ZSCAN20: variants seen among roughly 807,000 people sequenced by gnomAD.
The protein encoded by ZSCAN20 is zinc finger and SCAN domain containing 20, also known as zinc finger and SCAN domain-containing protein 20.
In ZSCAN20, 39 loss-of-function variants were observed where a neutral mutation model predicts 97.1. That is an observed-to-expected ratio of 0.40 (90% confidence interval 0.31 to 0.52). The LOEUF (loss-of-function observed/expected upper bound fraction) is 0.52. Among genes scored for constraint, ZSCAN20 ranks in the 20% least tolerant of loss-of-function variants. The pLI, the probability that ZSCAN20 is intolerant of heterozygous loss-of-function variation, is 0.49. For missense variants in ZSCAN20, 1,115 were observed against 1,290.4 expected (o/e 0.86, Z 2.08); for synonymous variants, 456 against 467.3 (o/e 0.98, Z 0.31).
At position 33,479,469 on chromosome 1, in the gene ZSCAN20, G is replaced by C. The variant is rs1002845805; in HGVS notation, c.181G>C (p.Asp61His). 1 of 1,614,134 alleles carries C rather than the reference G, an allele frequency of 6.2e-7. No homozygotes were observed. The highest frequency in any genetic ancestry group is 2.2e-5 in the East Asian group (1 of 44,884). Residue 61 changes from aspartate to histidine, a missense_variant, in exon 2 of 8, where the codon GAT becomes CAT. By Grantham distance (81) the Asp-to-His change is moderately conservative. Around this residue, in one of 3 missense-constraint regions of ZSCAN20, gnomAD observed 508 missense variants for 611.2 expected, o/e 0.83. Transcript: ENST00000684572. Reference protein sequence around the residue: ...RQRFRQFQYRDAAGPHEAFSQ... With the variant: ...RQRFRQFQYRHAAGPHEAFSQ... Reference sequence around the variant, plus strand: ...GCGCTTCAGGCAATTCCAATACAGGGATGCAGCTGGACCCCACGAGGCCTT... The same window carrying C: ...GCGCTTCAGGCAATTCCAATACAGGCATGCAGCTGGACCCCACGAGGCCTT...
Position 33,495,088 on chromosome 1 carries a change from G to A in ZSCAN20, c.2744G>A (p.Ser915Asn), listed in dbSNP as rs1265403487. ...CAECGKSFSKSSTLANHQRTH... is the reference protein window; with the variant it reads ...CAECGKSFSKNSTLANHQRTH... ...GAATGTGGGAAAAGCTTCAGTAAGA[G>A]CTCCACCCTGGCCAACCACCAGCGC... is the stretch of plus-strand genomic sequence containing the variant. Residue 915 changes from serine (S) to asparagine (N), a missense_variant, in exon 8 of 8, where the codon AGC (serine) becomes AAC (asparagine). Physicochemically the swap from Ser to Asn is conservative, Grantham distance 46 (BLOSUM62 1). Coordinates refer to ENST00000684572, the MANE Select transcript of ZSCAN20 (RefSeq NM_001377376.1). 6.2e-7 allele frequency: 1 copy of A among 1,612,622 alleles called. No individual in the cohort carries two copies. The highest frequency in any genetic ancestry group is 8.5e-7 in the Non-Finnish European group (1 of 1,178,992).
intron 7 of ZSCAN20, 56 bp from the exon 8 acceptor site, chr1:33,494,162 C>T (rs1404936688): frequency 6.8e-7 from 1 of 1,468,308 alleles, no homozygotes; most frequent in African/African-American, 1.5e-5. Context: ...CACACAAACA[C>T]ACACACACGC....
chr1:33,473,053 A>AGCCC (rs1323337509), intron 1 of ZSCAN20, among the ~76,000 whole-genome samples: 1 of 151,992 alleles, frequency 6.6e-6, no homozygotes, highest in Non-Finnish European at 1.5e-5. Context: ...CTGAGCTTGA[A>AGCCC]GCCCGACCTT....
Position 33,475,379 on chromosome 1 carries a change from AG to A in ZSCAN20, c.-111+2690del, listed in dbSNP as rs763519349. On this transcript the variant is annotated intron_variant, in intron 1 of 7. Coordinates refer to ENST00000684572, the MANE Select transcript of ZSCAN20 (RefSeq NM_001377376.1). ...CAGTTAGTTTGAAAATCCTTTGGCA[AG>A]GAGCCGTTTCAGAAACTAACACGCT... 2.8e-4 allele frequency among the ~76,000 whole-genome samples: 43 copies of A among 152,254 alleles called. 1 individual carries two copies. Among genetic ancestry groups the A allele is most frequent in the Admixed American group, 9.2e-4 (14 of 15,292 alleles).
chr1:33,495,171 C>T lies in ZSCAN20; in HGVS notation c.2827C>T (p.Arg943Cys), dbSNP rs765965870. The T allele has an allele frequency of 2.1e-5, 34 of 1,613,510 alleles. No homozygotes were observed. Among genetic ancestry groups the T allele is most frequent in the African/African-American group, 5.3e-5 (4 of 74,814 alleles). ...GGACTGTGGGAAGTGCTTCAGTGAG[C>T]GCTCCAAGCTCATCACACACCAGAG... ...CVDCGKCFSE[R>C]SKLITHQRVH... is the part of the protein sequence containing the mutation. Residue 943 changes from arginine to cysteine, a missense_variant, in exon 8 of 8, where the codon CGC becomes TGC. Transcript: ENST00000684572.
chr1:33,479,187 G>T lies in ZSCAN20; in HGVS notation c.-102G>T. On this transcript the variant is annotated 5_prime_UTR_variant, in exon 2 of 8. Coordinates refer to ENST00000684572, the MANE Select transcript of ZSCAN20 (RefSeq NM_001377376.1). ...TTGTCTTTCTGCCTTAGAGCCTTGG[G>T]GAGCAGTCCCTTTTCTAGGAGCCTC... 1 of 1,285,432 alleles carries T rather than the reference G, an allele frequency of 7.8e-7. No individual in the cohort carries two copies. Among genetic ancestry groups the T allele is most frequent in the Non-Finnish European group, 1.1e-6 (1 of 927,100 alleles). The allele number at this position is 1,285,432 out of a possible 1,614,324, so 79.6% of individuals were successfully genotyped here.
chr1:33,494,372 G>A lies in ZSCAN20; in HGVS notation c.2028G>A (p.Gln676=), dbSNP rs766233000. 5.6e-6 allele frequency: 9 copies of A among 1,614,196 alleles called. No homozygotes were observed. The highest frequency in any genetic ancestry group is 7.6e-6 in the Non-Finnish European group (9 of 1,180,028). ...AAAATGAAAATGAAGATGAAGGGCA[G>A]TGGGGAAATCCCTCACAGGAACAGT... ...DSENENEDEG[Q]WGNPSQEQWQ... is the part of the protein sequence containing the mutation. Residue 676 remains glutamine (Q), a synonymous_variant, in exon 8 of 8, where the codon CAG becomes CAA. Coordinates refer to ENST00000684572, the MANE Select transcript of ZSCAN20 (RefSeq NM_001377376.1).
intron 2 of ZSCAN20, among the ~76,000 whole-genome samples, chr1:33,484,429 T>C (rs981523123): frequency 3.9e-5 from 6 of 152,224 alleles, no homozygotes; most frequent in African/African-American, 1.2e-4. Context: ...TTTCTGCATC[T>C]GTTGATATAA....
chr1:33,482,116 C>T (rs1402072899), intron 2 of ZSCAN20, among the ~76,000 whole-genome samples: 2 of 151,872 alleles, frequency 1.3e-5, no homozygotes, highest in African/African-American at 4.8e-5. Flanking sequence ...CATTAAGAGC[C>T]CTATTATAAA....
At chr1:33,479,911 G>T (rs1266644294) in intron 2 of ZSCAN20, among the ~76,000 whole-genome samples, 2 of 152,260 alleles carry the variant, frequency 1.3e-5, no homozygotes, top group East Asian at 3.9e-4. Flanking sequence ...TAATGAGATA[G>T]GTGCTATTAT....
In ZSCAN20 at chr1:33,493,321, C is replaced by T. The variant is rs748161240; in HGVS notation, c.1579C>T (p.Leu527=). ...GGCCATTGCAGAGCGGCTGTGTGCT[C>T]TGGGCTTCCTGCGGACACTGGAGCA... ...YRAIAERLCA[L]GFLRTLEQCR... is the part of the protein sequence containing the mutation. The change falls in exon 7 of 8, where the codon CTG becomes TTG. Residue 527 remains leucine, a synonymous_variant. Transcript: ENST00000684572. The surrounding 1 kb of genome is among the most constrained non-coding windows in gnomAD (Gnocchi z 4.3). 6.2e-7 allele frequency: 1 copy of T among 1,614,210 alleles called. No individual in the cohort carries two copies. Among genetic ancestry groups the T allele is most frequent in the East Asian group, 2.2e-5 (1 of 44,880 alleles).
At position 33,494,929 on chromosome 1, in the gene ZSCAN20, C is replaced by T; in HGVS notation, c.2585C>T (p.Ser862Phe). The change falls in exon 8 of 8, where the codon TCT becomes TTT. Residue 862 changes from serine (S) to phenylalanine (F), a missense_variant. By Grantham distance (155) the Ser-to-Phe change is radical (BLOSUM62 -2). This residue lies in a region of ZSCAN20 where 554 missense variants were observed against 584.9 expected (regional missense o/e 0.95). Coordinates refer to ENST00000684572, the MANE Select transcript of ZSCAN20 (RefSeq NM_001377376.1). ...QPQSISKDLN[S>F]PGPHSTNSGE... ...CAAAGTATCAGTAAGGACTTGAATT[C>T]TCCTGGACCACACAGCACAAACTCA... The T allele has an allele frequency of 1.9e-6, 3 of 1,614,204 alleles. No individual in the cohort carries two copies. Among genetic ancestry groups the T allele is most frequent in the Non-Finnish European group, 2.5e-6 (3 of 1,180,050 alleles).
At chr1:33,477,665 T>C (rs981157330) in intron 1 of ZSCAN20, among the ~76,000 whole-genome samples, 3 of 148,728 alleles carry the variant, frequency 2.0e-5, no homozygotes, top group Non-Finnish European at 4.4e-5. Context: ...TTATCTAGTG[T>C]GCACAGAAAG....
intron 2 of ZSCAN20, among the ~76,000 whole-genome samples, chr1:33,484,515 C>T (rs1369141747): frequency 6.6e-6 from 1 of 152,020 alleles, no homozygotes; most frequent in Non-Finnish European, 1.5e-5. Flanking sequence ...AATGTTGGAC[C>T]AGGCTTGCAT....
At chr1:33,492,147 C>T (rs755900218) in intron 6 of ZSCAN20, 2 of 154,486 alleles carry the variant, frequency 1.3e-5, no homozygotes, top group Non-Finnish European at 2.9e-5. Flanking sequence ...ACAGTGTAGA[C>T]TTGAATAATC....
At position 33,479,248 on chromosome 1, in the gene ZSCAN20, A is replaced by C; in HGVS notation, c.-41A>C. 5 of 1,539,242 alleles carry C rather than the reference A, an allele frequency of 3.2e-6. No homozygotes were observed. The highest frequency in any genetic ancestry group is 4.4e-6 in the Non-Finnish European group (5 of 1,141,218). Reference sequence around the variant, plus strand: ...CACCGTAGATGCAGGAAGACATTGGATGAGGTCAGCATAGCTGAAGTGAGG... The same window carrying C: ...CACCGTAGATGCAGGAAGACATTGGCTGAGGTCAGCATAGCTGAAGTGAGG... On this transcript the variant is annotated 5_prime_UTR_variant, in exon 2 of 8. The change abolishes an upstream ATG in the 5' untranslated region. Coordinates refer to ENST00000684572, the MANE Select transcript of ZSCAN20 (RefSeq NM_001377376.1).
chr1:33,478,884 C>T (rs1652032082), intron 1 of ZSCAN20, among the ~76,000 whole-genome samples: 1 of 152,238 alleles, frequency 6.6e-6, no homozygotes, highest in Middle Eastern at 3.4e-3. Context: ...CTGTCTTCCT[C>T]CAAAGTGTGA....
Position 33,491,388 on chromosome 1 carries a change from G to A in ZSCAN20, c.1130G>A (p.Arg377His), listed in dbSNP as rs759912820. 3.1e-6 allele frequency: 5 copies of A among 1,614,184 alleles called. No homozygotes were observed. Among genetic ancestry groups the A allele is most frequent in the South Asian group, 1.1e-5 (1 of 91,078 alleles). ...TTCCTGCGGACACTGGAGCAATGTC[G>A]CTATAGGGTCAAAAACCTCCTACGG... is the stretch of plus-strand genomic sequence containing the variant. ...RGFLRTLEQCRYRVKNLLRNY... is the reference protein window; with the variant it reads ...RGFLRTLEQCHYRVKNLLRNY... The change falls in exon 6 of 8, where the codon CGC becomes CAC. Residue 377 changes from arginine (R) to histidine (H), a missense_variant. By Grantham distance (29) the Arg-to-His change is conservative (BLOSUM62 0). Coordinates refer to ENST00000684572, the MANE Select transcript of ZSCAN20 (RefSeq NM_001377376.1). The surrounding 1 kb of genome is among the most constrained non-coding windows in gnomAD (Gnocchi z 4.3).
At chr1:33,490,990 C>T in intron 5 of ZSCAN20, 35 bp from the exon 6 acceptor site, 31 of 1,541,030 alleles carry the variant, frequency 2.0e-5, no homozygotes, top group Non-Finnish European at 2.7e-5. Context: ...GCTCAACAGA[C>T]CATTTCTACT....
Sources: allele counts gnomAD v4.1 joint callset (sites outside exome capture counted in the v4.1 genomes callset), GRCh38; gene constraint gnomAD v4.1.1; regional missense constraint gnomAD v4.1.1; non-coding constraint Gnocchi (gnomAD v3.1); transcripts MANE v1.5; gene names NCBI Gene and HGNC (gene_info 2026-07-23, HGNC 2026-07-21).